The following VARS1 variants were observed in gnomAD, a reference collection of about 807,000 sequenced individuals.
VARS1 encodes valyl-tRNA synthetase 1, also known as valine--tRNA ligase.
Under a neutral mutation model 161.0 loss-of-function variants are expected in VARS1, and 92 were observed. That is an observed-to-expected ratio of 0.57 (90% CI 0.48 to 0.68). The LOEUF is 0.68. Ranked by LOEUF, VARS1 falls within the 30% of genes least tolerant of loss-of-function variation. The pLI is 0.00. For missense variants in VARS1, 1,338 were observed against 1,695.9 expected (o/e 0.79, Z 3.71); for synonymous variants, 595 against 682.5 (o/e 0.87, Z 2.00).
Position 31,782,640 on chromosome 6 carries a change from A to G in VARS1, c.1888-7T>C, listed in dbSNP as rs1157787319. The G allele has an allele frequency of 3.7e-6, 6 of 1,613,072 alleles. No individual in the cohort carries two copies. The highest frequency in any genetic ancestry group is 3.3e-5 in the Admixed American group (2 of 60,018). On this transcript the variant is annotated splice_region_variant and splice_polypyrimidine_tract_variant and intron_variant, in intron 15 of 29. Transcript: ENST00000375663. The surrounding 1 kb of genome is among the most constrained non-coding windows in gnomAD (Gnocchi z 8.3). ...CCTCAAACCTGGGCAGGCCCTGGGT[A>G]GGAATGAGGCCTCATCATGGCGATG...
In VARS1 at chr6:31,784,467, G is replaced by A. The variant is rs767371765; in HGVS notation, c.1503C>T (p.Leu501=). The part of the protein sequence containing the change: ...DKKELTGRTL[L]SVPGYKEKVE... ...CCTTCTCCTTGTAGCCAGGCACGGA[G>A]AGCAGGGTGCGACCTGTCAGCTCCT... Residue 501 remains leucine (L), a synonymous_variant, in exon 12 of 30, where the codon CTC becomes CTT. Transcript: ENST00000375663. The surrounding 1 kb of genome is among the most constrained non-coding windows in gnomAD (Gnocchi z 6.1). The A allele has an allele frequency of 1.9e-6, 3 of 1,614,016 alleles. No homozygotes were observed. Among genetic ancestry groups the A allele is most frequent in the African/African-American group, 2.7e-5 (2 of 74,942 alleles).
rs778749570 is a variant in VARS1, at chr6:31,794,891, T to G, written c.327A>C (p.Pro109=). 2.5e-6 allele frequency: 4 copies of G among 1,612,362 alleles called. No homozygotes were observed. The highest frequency in any genetic ancestry group is 8.5e-7 in the Non-Finnish European group (1 of 1,179,624). ...WVSYADTELI[P]AACGATLPAL... is the part of the protein sequence containing the mutation. ...CCGGCAGCGTTGCTCCACAGGCAGC[T>G]GGTATTAACTCCGTGTCGGCGTAAC... is the stretch of plus-strand genomic sequence containing the variant. The change falls in exon 2 of 30, where the codon CCA becomes CCC. Residue 109 remains proline (P), a synonymous_variant. Coordinates refer to ENST00000375663, the MANE Select transcript of VARS1 (RefSeq NM_006295.3).
chr6:31,778,874 T>C lies in VARS1; in HGVS notation c.3726+93A>G. Reference sequence around the variant, plus strand: ...AAATCTGTAACTGGTTACGATCAATTAGTTGTCAACACCACTGCACTCGGA... The same window carrying C: ...AAATCTGTAACTGGTTACGATCAATCAGTTGTCAACACCACTGCACTCGGA... On this transcript the variant is annotated intron_variant, in intron 29 of 29. Transcript: ENST00000375663. The surrounding 1 kb of genome is among the most constrained non-coding windows in gnomAD (Gnocchi z 5.1). The C allele has an allele frequency of 1.3e-6, 2 of 1,497,060 alleles. No homozygotes were observed. Among genetic ancestry groups the C allele is most frequent in the South Asian group, 2.4e-5 (2 of 84,120 alleles). 92.7% of individuals were successfully genotyped at this position (1,497,060 alleles called of 1,614,324 possible).
rs1336845836 is a variant in VARS1 at position 31,780,203 on chromosome 6, AC to A, written c.2926-51del. ...CGGCGGGCCAGGGGAGGGTGCCAGA[AC>A]CCCATGGGGGCAGGAGTCATGGGCA... On this transcript the variant is annotated intron_variant, in intron 25 of 29. Coordinates refer to ENST00000375663, the MANE Select transcript of VARS1 (RefSeq NM_006295.3). The surrounding 1 kb of genome is among the most constrained non-coding windows in gnomAD (Gnocchi z 5.1). 6.2e-7 allele frequency: 1 copy of A among 1,605,672 alleles called. No homozygotes were observed. Among genetic ancestry groups the A allele is most frequent in the Non-Finnish European group, 8.5e-7 (1 of 1,178,156 alleles).
intron 8 of VARS1, among the ~76,000 whole-genome samples, chr6:31,788,723 G>A (rs926415221): frequency 5.3e-5 from 8 of 151,710 alleles, no homozygotes; most frequent in Admixed American, 6.6e-5. Context: ...GCAGGAGTAT[G>A]CTGTGAACCT....
In VARS1 at chr6:31,782,756, G is replaced by C. The variant is rs555534146; in HGVS notation, c.1852C>G (p.Arg618Gly). Reference sequence around the variant, plus strand: ...GGAGGCACATTGATGAGGGCCCCCCGGGAGTCCATGATGCTGATGGCCTCC... The same window carrying C: ...GGAGGCACATTGATGAGGGCCCCCCCGGAGTCCATGATGCTGATGGCCTCC... ...GLEAISIMDS[R>G]GALINVPPPF... The change falls in exon 15 of 30, where the codon CGG becomes GGG. Residue 618 changes from arginine to glycine, a missense_variant. By Grantham distance (125) the Arg-to-Gly change is moderately radical. Around this residue, in one of 3 missense-constraint regions of VARS1, gnomAD observed 902 missense variants for 1,090.3 expected, o/e 0.83. Coordinates refer to ENST00000375663, the MANE Select transcript of VARS1 (RefSeq NM_006295.3). This position sits in a 1 kb window ranked among gnomAD's most constrained non-coding sequence, Gnocchi z 8.3. 1.9e-6 allele frequency: 3 copies of C among 1,612,858 alleles called. No individual in the cohort carries two copies. The highest frequency in any genetic ancestry group is 1.7e-5 in the Admixed American group (1 of 59,992).
chr6:31,786,492 C>A (rs1396155452), intron 8 of VARS1, among the ~76,000 whole-genome samples: 2 of 151,740 alleles, frequency 1.3e-5, no homozygotes, highest in Non-Finnish European at 2.9e-5. Flanking sequence ...CATGGCAAGA[C>A]CCTGTCTCTA....
rs1464521589 is a variant in VARS1, at chr6:31,784,989, T to C, written c.1347+257A>G. Among the ~76,000 whole-genome samples the C allele has an allele frequency of 6.6e-6, 1 of 152,104 alleles. No individual in the cohort carries two copies. The highest frequency in any genetic ancestry group is 6.6e-5 in the Admixed American group (1 of 15,262). On this transcript the variant is annotated intron_variant, in intron 10 of 29. Coordinates refer to ENST00000375663, the MANE Select transcript of VARS1 (RefSeq NM_006295.3). The surrounding 1 kb of genome is among the most constrained non-coding windows in gnomAD (Gnocchi z 6.1). ...GAGGACACTGGGAGTTCAGGCTCCA[T>C]GGGAGACGGGGTCCTGATCATGTGC... is the stretch of plus-strand genomic sequence containing the variant.
In VARS1 at chr6:31,785,239, C is replaced by T; in HGVS notation, c.1347+7G>A. On this transcript the variant is annotated splice_region_variant and intron_variant, in intron 10 of 29. Coordinates refer to ENST00000375663, the MANE Select transcript of VARS1 (RefSeq NM_006295.3). This position sits in a 1 kb window ranked among gnomAD's most constrained non-coding sequence, Gnocchi z 6.1. ...CCTGCCCCAGCTTTGACACTCCTCCCACGCACAGGGTCCATGGTGAAACAG... is the reference window on the plus strand; with the variant it reads ...CCTGCCCCAGCTTTGACACTCCTCCTACGCACAGGGTCCATGGTGAAACAG... The T allele has an allele frequency of 1.2e-6, 2 of 1,613,084 alleles. No homozygotes were observed. Among genetic ancestry groups the T allele is most frequent in the East Asian group, 2.2e-5 (1 of 44,882 alleles).
rs1390343269 is a variant in VARS1 at position 31,782,001 on chromosome 6, C to G, written c.2242-49G>C. On this transcript the variant is annotated intron_variant, in intron 18 of 29. Coordinates refer to ENST00000375663, the MANE Select transcript of VARS1 (RefSeq NM_006295.3). The surrounding 1 kb of genome is among the most constrained non-coding windows in gnomAD (Gnocchi z 8.3). ...CAAGGGGGTGTGTCTGCTTCTGGCT[C>G]ACCCTGCCCCTCCCCCCACCAAGGA... 1 of 1,612,826 alleles carries G rather than the reference C, an allele frequency of 6.2e-7. No homozygotes were observed. Among genetic ancestry groups the G allele is most frequent in the Non-Finnish European group, 8.5e-7 (1 of 1,179,644 alleles).
intron 2 of VARS1, 76 bp from the exon 3 acceptor site, chr6:31,793,196 C>A: frequency 1.3e-6 from 2 of 1,504,200 alleles, no homozygotes; most frequent in Non-Finnish European, 1.8e-6. Flanking sequence ...TCCATGTGGC[C>A]TCCCTCCACC....
In VARS1 at chr6:31,785,168, C is replaced by A; in HGVS notation, c.1347+78G>T. 3.8e-6 allele frequency: 6 copies of A among 1,565,426 alleles called. No homozygotes were observed. Among genetic ancestry groups the A allele is most frequent in the Non-Finnish European group, 5.3e-6 (6 of 1,138,760 alleles). On this transcript the variant is annotated intron_variant, in intron 10 of 29. Transcript: ENST00000375663. The surrounding 1 kb of genome is among the most constrained non-coding windows in gnomAD (Gnocchi z 6.1). ...CAGCTCCTGAGAGAGGGCCACAACA[C>A]CTCTGCTTTCTCCTGTGGGGGTCCC...
chr6:31,784,191 C>T lies in VARS1; in HGVS notation c.1671+23G>A. 1 of 1,613,928 alleles carries T rather than the reference C, an allele frequency of 6.2e-7. No individual in the cohort carries two copies. The highest frequency in any genetic ancestry group is 8.5e-7 in the Non-Finnish European group (1 of 1,179,872). On this transcript the variant is annotated intron_variant, in intron 13 of 29. Transcript: ENST00000375663. This position sits in a 1 kb window ranked among gnomAD's most constrained non-coding sequence, Gnocchi z 6.1. ...AGCCCTTTTTGGCCAGAACTCCTTC[C>T]CTAACTGTGGACAGTCCCCCACCTG...
rs765243450 is a variant in VARS1, at chr6:31,785,165, A to G, written c.1347+81T>C. The G allele has an allele frequency of 4.0e-5, 62 of 1,553,226 alleles. No homozygotes were observed. Among genetic ancestry groups the G allele is most frequent in the Non-Finnish European group, 5.3e-5 (60 of 1,128,380 alleles). ...GGCCAGCTCCTGAGAGAGGGCCACA[A>G]CACCTCTGCTTTCTCCTGTGGGGGT... On this transcript the variant is annotated intron_variant, in intron 10 of 29. Coordinates refer to ENST00000375663, the MANE Select transcript of VARS1 (RefSeq NM_006295.3). The surrounding 1 kb of genome is among the most constrained non-coding windows in gnomAD (Gnocchi z 6.1).
Position 31,792,229 on chromosome 6 carries a change from C to A in VARS1, c.859G>T (p.Gly287Trp), listed in dbSNP as rs763964925. 6.2e-7 allele frequency: 1 copy of A among 1,613,804 alleles called. No individual in the cohort carries two copies. Among genetic ancestry groups the A allele is most frequent in the Admixed American group, 1.7e-5 (1 of 60,004 alleles). ...VITYDLPTPPGEKKDVSGPMP... is the reference protein window; with the variant it reads ...VITYDLPTPPWEKKDVSGPMP... Reference sequence around the variant, plus strand: ...CCACTCCTAGTACCTTTCTTTTCCCCGGGTGGGGTTGGGAGGTCATAGGTA... The same window carrying A: ...CCACTCCTAGTACCTTTCTTTTCCCAGGGTGGGGTTGGGAGGTCATAGGTA... Residue 287 changes from glycine (G) to tryptophan (W), a missense_variant, in exon 6 of 30, where the codon GGG becomes TGG. Transcript: ENST00000375663.
chr6:31,790,198 G>A (rs1813779298), intron 8 of VARS1, among the ~76,000 whole-genome samples: 1 of 152,112 alleles, frequency 6.6e-6, no homozygotes, highest in South Asian at 2.1e-4. Context: ...GGCCGCATGT[G>A]GCCCACAGGC....
At position 31,785,715 on chromosome 6, in the gene VARS1, C is replaced by A; in HGVS notation, c.1119G>T (p.Glu373Asp). 1 of 1,612,092 alleles carries A rather than the reference C, an allele frequency of 6.2e-7. No individual in the cohort carries two copies. The highest frequency in any genetic ancestry group is 8.5e-7 in the Non-Finnish European group (1 of 1,179,696). Reference sequence around the variant, plus strand: ...CACAGCCAGGGTTCCACAGGGTGGTCTCCCCACGCATGCGGTGCCTGTTAG... The same window carrying A: ...CACAGCCAGGGTTCCACAGGGTGGTATCCCCACGCATGCGGTGCCTGTTAG... ...SLTRWHRMRG[E>D]TTLWNPGCDH... The change falls in exon 9 of 30, where the codon GAG (glutamate) becomes GAT (aspartate). Residue 373 changes from glutamate to aspartate, a missense_variant. Transcript: ENST00000375663. This position sits in a 1 kb window ranked among gnomAD's most constrained non-coding sequence, Gnocchi z 6.1.
intron 8 of VARS1, among the ~76,000 whole-genome samples, chr6:31,786,231 G>A (rs140091914): frequency 0.14 from 20,720 of 152,050 alleles, 1,734 homozygotes; most frequent in Admixed American, 0.2. Context: ...TTGCACTCCA[G>A]CCTGGGTGAC....
rs1390101147 is a variant in VARS1, at chr6:31,784,005, C to G, written c.1671+209G>C. ...CACGAAGGGCTGGGCCCAAGTCCTT[C>G]CTTTCCAGGGCCCTGACTATCCCAA... On this transcript the variant is annotated intron_variant, in intron 13 of 29. Coordinates refer to ENST00000375663, the MANE Select transcript of VARS1 (RefSeq NM_006295.3). This position sits in a 1 kb window ranked among gnomAD's most constrained non-coding sequence, Gnocchi z 6.1. Among the ~76,000 whole-genome samples, 2 of 152,196 alleles carry G rather than the reference C, an allele frequency of 1.3e-5. No individual in the cohort carries two copies. The highest frequency in any genetic ancestry group is 2.9e-5 in the Non-Finnish European group (2 of 68,036).
Sources: gnomAD v4.1 joint callset for allele counts (sites outside exome capture counted in the v4.1 genomes callset) on GRCh38, gnomAD v4.1.1 for gene constraint, gnomAD v4.1.1 regional missense constraint, Gnocchi (gnomAD v3.1) non-coding constraint, MANE v1.5 for transcripts, NCBI Gene and HGNC (gene_info 2026-07-23, HGNC 2026-07-21) for gene names.